Variants in HIVEP3 observed in about 807,000 individuals in gnomAD.
The protein encoded by HIVEP3 is transcription factor HIVEP3.
In HIVEP3, 49 loss-of-function variants were observed where a neutral mutation model predicts 152.8. The ratio of observed to expected loss-of-function variants is 0.32; its 90% CI spans 0.26 to 0.41. The LOEUF (loss-of-function observed/expected upper bound fraction) is 0.41. Among genes scored for constraint, HIVEP3 ranks in the 10% least tolerant of loss-of-function variants. The probability of loss-of-function intolerance (pLI) is 1.00; values close to 1 mark genes in which losing one functional copy is unlikely to be tolerated. For missense variants in HIVEP3, 2,790 were observed against 3,103.3 expected, an observed-to-expected ratio of 0.90 and a Z score of 2.40; for synonymous variants, 1,269 against 1,289.0, an observed-to-expected ratio of 0.98 and a Z score of 0.33.
At chr1:42,009,894 G>C (rs879795631) in intron 1 of HIVEP3, among the ~76,000 whole-genome samples, 11 of 151,880 alleles carry the variant, frequency 7.2e-5, no homozygotes, top group Admixed American at 5.2e-4. Flanking sequence ...TCTCAATTTT[G>C]TCTCATTTAC....
At chr1:41,757,855 A>C (rs1395943752) in intron 1 of HIVEP3, among the ~76,000 whole-genome samples, 5 of 152,040 alleles carry the variant, frequency 3.3e-5, no homozygotes, top group Non-Finnish European at 5.9e-5. Context: ...TTGGGATTAC[A>C]GGGATGCGCC....
At chr1:41,864,734 T>A (rs1297869233) in intron 1 of HIVEP3, 1 of 152,214 alleles carries the variant, frequency 6.6e-6, no homozygotes, top group Admixed American at 6.5e-5. Context: ...ATGGAAACAC[T>A]CTGGATAAGA....
chr1:41,907,964 G>C (rs1445449296), intron 1 of HIVEP3, among the ~76,000 whole-genome samples: 2 of 152,174 alleles, frequency 1.3e-5, no homozygotes, highest in Non-Finnish European at 2.9e-5. Context: ...CCAAAAGAGA[G>C]CTGGTCTCCA....
rs1197727276 is a variant in HIVEP3 at position 41,918,115 on chromosome 1, C to T, written c.-801+298G>A. Among the ~76,000 whole-genome samples, 1 of 147,052 alleles carries T rather than the reference C, an allele frequency of 6.8e-6. No homozygotes were observed. The highest frequency in any genetic ancestry group is 1.5e-5 in the Non-Finnish European group (1 of 66,422). ...GCGCATAGGGTTACAGCCCCGCCGC[C>T]GCCGCCGCCGCCGCCGCCTGTGATT... is the stretch of plus-strand genomic sequence containing the variant. On this transcript the variant is annotated intron_variant, in intron 1 of 8. Transcript: ENST00000372583. This position sits in a 1 kb window ranked among gnomAD's most constrained non-coding sequence, Gnocchi z 4.3.
intron 1 of HIVEP3, among the ~76,000 whole-genome samples, chr1:41,982,431 A>C (rs930288006): frequency 1.3e-5 from 2 of 152,218 alleles, no homozygotes; most frequent in Non-Finnish European, 2.9e-5. Flanking sequence ...TATTTTGATG[A>C]ACAGCTACAG....
At chr1:41,857,186 C>G (rs1269683660) in intron 1 of HIVEP3, among the ~76,000 whole-genome samples, 6 of 152,168 alleles carry the variant, frequency 3.9e-5, no homozygotes, top group African/African-American at 1.4e-4. Context: ...CCCTCCTCCC[C>G]CATTCCACAA....
intron 1 of HIVEP3, among the ~76,000 whole-genome samples, chr1:41,970,986 C>A (rs777168863): frequency 2.6e-5 from 4 of 152,044 alleles, no homozygotes; most frequent in Non-Finnish European, 5.9e-5. Context: ...CAATAAGTTT[C>A]TGTTGTATAT....
intron 1 of HIVEP3, among the ~76,000 whole-genome samples, chr1:41,927,959 G>A (rs550752654): frequency 1.3e-5 from 2 of 150,760 alleles, no homozygotes; most frequent in African/African-American, 4.9e-5. Context: ...TACTCGGGAG[G>A]CTGAGGCAGG....
chr1:41,972,653 A>T (rs1416349317), intron 1 of HIVEP3, among the ~76,000 whole-genome samples: 1 of 152,242 alleles, frequency 6.6e-6, no homozygotes, highest in Non-Finnish European at 1.5e-5. Context: ...AAGAGGTGGC[A>T]TGTAACAGAT....
At chr1:41,762,280 C>T (rs1183952799) in intron 1 of HIVEP3, among the ~76,000 whole-genome samples, 1 of 152,200 alleles carries the variant, frequency 6.6e-6, no homozygotes, top group East Asian at 1.9e-4. Context: ...GCCCTTCTCA[C>T]CCTTCAACTG....
intron 1 of HIVEP3, among the ~76,000 whole-genome samples, chr1:42,010,715 A>C (rs550946673): frequency 1.3e-5 from 2 of 152,264 alleles, no homozygotes; most frequent in Admixed American, 1.3e-4. Flanking sequence ...TGTCCCTTAG[A>C]AAATCATTCA....
intron 1 of HIVEP3, among the ~76,000 whole-genome samples, chr1:41,992,586 C>T (rs1407723665): frequency 5.3e-4 from 79 of 147,746 alleles, no homozygotes; most frequent in African/African-American, 1.6e-3. Flanking sequence ...AGGTAATTTA[C>T]AGATTCAATG....
chr1:41,524,944 A>T, intron 5 of HIVEP3, 34 bp from the exon 6 acceptor site: 1 of 1,592,206 alleles, frequency 6.3e-7, no homozygotes, highest in Non-Finnish European at 8.6e-7. Flanking sequence ...AAAGGGAAAA[A>T]AAAGGAGAAG....
intron 5 of HIVEP3, among the ~76,000 whole-genome samples, chr1:41,556,685 T>C (rs72951401): frequency 0.11 from 16,948 of 152,292 alleles, 1,652 homozygotes; most frequent in East Asian, 0.46. Context: ...ATGCTTGGTG[T>C]TGTATCCAAG....
At chr1:41,778,967 A>G (rs1050448368) in intron 1 of HIVEP3, among the ~76,000 whole-genome samples, 1 of 152,224 alleles carries the variant, frequency 6.6e-6, no homozygotes, top group African/African-American at 2.4e-5. Flanking sequence ...CAGCATATGC[A>G]TATGGCCTGG....
rs368837522 is a variant in HIVEP3, at chr1:41,886,604, C to T, written c.-801+31809G>A. ...GCACATGCCTGTAATCCTAGCTACT[C>T]GAGAGGCTGAAGCAGGAGAATTGCT... On this transcript the variant is annotated intron_variant, in intron 1 of 8. Transcript: ENST00000372583. 4.7e-5 allele frequency among the ~76,000 whole-genome samples: 7 copies of T among 149,482 alleles called. No individual in the cohort carries two copies. In the South Asian group the frequency reaches 1.5e-3, roughly 32 times the overall value.
chr1:41,773,508 C>T (rs1380506131), intron 1 of HIVEP3, among the ~76,000 whole-genome samples: 1 of 91,274 alleles, frequency 1.1e-5, no homozygotes, highest in Non-Finnish European at 2.2e-5. Flanking sequence ...TCCCAGACAC[C>T]CTCCCGGAAT....
chr1:41,883,777 T>G (rs1212327346), intron 1 of HIVEP3, among the ~76,000 whole-genome samples: 1 of 152,156 alleles, frequency 6.6e-6, no homozygotes, highest in African/African-American at 2.4e-5. Context: ...AGCTTCTCCC[T>G]GCCTGTCGCT....
At chr1:41,891,207 G>C (rs565501153) in intron 1 of HIVEP3, among the ~76,000 whole-genome samples, 89 of 152,232 alleles carry the variant, frequency 5.8e-4, no homozygotes, top group Non-Finnish European at 7.5e-4. Flanking sequence ...TGGACTAACA[G>C]GGACAAGAAT....
Sources: allele counts gnomAD v4.1 joint callset (sites outside exome capture counted in the v4.1 genomes callset), GRCh38; gene constraint gnomAD v4.1.1; non-coding constraint Gnocchi (gnomAD v3.1); transcripts MANE v1.5; gene names NCBI Gene and HGNC (gene_info 2026-07-23, HGNC 2026-07-21).